Variants in SLC24A2 observed in about 807,000 individuals in gnomAD.
The protein encoded by SLC24A2 is solute carrier family 24 member 2.
SLC24A2 carries 36 observed loss-of-function variants against 62.0 expected under a neutral mutation model. The ratio of observed to expected loss-of-function variants is 0.58; its 90% CI spans 0.44 to 0.77. The LOEUF is 0.77. Among genes scored for constraint, SLC24A2 ranks in the 30% least tolerant of loss-of-function variants. The pLI, the probability that SLC24A2 is intolerant of heterozygous loss-of-function variation, is 0.00. For missense variants in SLC24A2, 846 were observed against 817.9 expected (o/e 1.03, Z -0.42); for synonymous variants, 358 against 294.0 (o/e 1.22, Z -2.23).
the SLC24A2 span, among the ~76,000 whole-genome samples, chr9:20,269,863 T>G: frequency 6.6e-6 from 1 of 152,242 alleles, no homozygotes; most frequent in Non-Finnish European, 1.5e-5. Flanking sequence ...GGTCTTAGTC[T>G]GTTTTGTGTT....
intron 9 of SLC24A2, among the ~76,000 whole-genome samples, chr9:19,525,594 G>A (rs917573626): frequency 6.6e-6 from 1 of 150,996 alleles, no homozygotes; most frequent in African/African-American, 2.4e-5. Context: ...TGTAAAGACA[G>A]GGTTTTGCCA....
At chr9:19,969,692 C>CAG in the SLC24A2 span, among the ~76,000 whole-genome samples, 1 of 151,920 alleles carries the variant, frequency 6.6e-6, no homozygotes, top group East Asian at 1.9e-4. Context: ...AGTTGGAAGA[C>CAG]AGAGAGAGAG....
chr9:19,974,250 T>C, the SLC24A2 span, among the ~76,000 whole-genome samples: 37,540 of 152,090 alleles, frequency 0.25, 5,694 homozygotes, highest in Admixed American at 0.39. Flanking sequence ...ATGAAATAAT[T>C]TCTACTTGGA....
intron 8 of SLC24A2, among the ~76,000 whole-genome samples, chr9:19,529,668 C>T (rs1258028321): frequency 2.6e-5 from 4 of 151,866 alleles, no homozygotes; most frequent in Non-Finnish European, 5.9e-5. Context: ...GACTCAGACC[C>T]CTCCTAGGGA....
At chr9:19,518,018 C>T (rs933687528) in intron 10 of SLC24A2, among the ~76,000 whole-genome samples, 8 of 151,212 alleles carry the variant, frequency 5.3e-5, no homozygotes, top group South Asian at 2.1e-4. Context: ...AAAAACCTTT[C>T]GGGGGAAAAT....
chr9:19,889,514 T>C, the SLC24A2 span, among the ~76,000 whole-genome samples: 1 of 152,130 alleles, frequency 6.6e-6, no homozygotes, highest in Non-Finnish European at 1.5e-5. Context: ...TCACCAAAAC[T>C]TCCTCCTGAG....
At chr9:20,307,364 T>C in the SLC24A2 span, among the ~76,000 whole-genome samples, 2 of 152,190 alleles carry the variant, frequency 1.3e-5, no homozygotes, top group African/African-American at 4.8e-5. Flanking sequence ...AGAGAATAAC[T>C]TCTTCACTCT....
the SLC24A2 span, among the ~76,000 whole-genome samples, chr9:19,987,591 T>C: frequency 1.3e-5 from 2 of 152,170 alleles, no homozygotes; most frequent in African/African-American, 4.8e-5. Flanking sequence ...GACGGCAGCA[T>C]TTGGCTCCTT....
chr9:19,755,071 A>T (rs540549823), intron 2 of SLC24A2, among the ~76,000 whole-genome samples: 4 of 152,194 alleles, frequency 2.6e-5, no homozygotes, highest in Non-Finnish European at 5.9e-5. Flanking sequence ...GCAAGAGAGC[A>T]CAGCAGTTAA....
At chr9:20,039,131 A>T in the SLC24A2 span, among the ~76,000 whole-genome samples, 1 of 152,222 alleles carries the variant, frequency 6.6e-6, no homozygotes, top group Non-Finnish European at 1.5e-5. Flanking sequence ...AGGAGGCGGC[A>T]TGGTGTGGTG....
intron 2 of SLC24A2, among the ~76,000 whole-genome samples, chr9:19,760,109 A>C (rs1397097433): frequency 6.6e-6 from 1 of 152,098 alleles, no homozygotes; most frequent in African/African-American, 2.4e-5. Context: ...TTATTGAGAA[A>C]ATAGAAACAA....
the SLC24A2 span, among the ~76,000 whole-genome samples, chr9:20,258,083 A>G: frequency 6.6e-6 from 1 of 152,132 alleles, no homozygotes; most frequent in Non-Finnish European, 1.5e-5. Flanking sequence ...CCCCCTACAC[A>G]CACCCCATGT....
At chr9:19,933,246 C>G in the SLC24A2 span, among the ~76,000 whole-genome samples, 1 of 152,202 alleles carries the variant, frequency 6.6e-6, no homozygotes, top group Non-Finnish European at 1.5e-5. Flanking sequence ...CCCCTCTTGC[C>G]TGATCTAAAA....
the SLC24A2 span, among the ~76,000 whole-genome samples, chr9:20,079,358 T>C: frequency 7.9e-5 from 12 of 152,250 alleles, no homozygotes; most frequent in Admixed American, 7.9e-4. Flanking sequence ...TGCAACTACC[T>C]CTCTGAATGT....
At chr9:19,851,004 C>CATATATAT in the SLC24A2 span, among the ~76,000 whole-genome samples, 1 of 29,612 alleles carries the variant, frequency 3.4e-5, no homozygotes, top group Non-Finnish European at 7.6e-5. Context: ...TATATATACA[C>CATATATAT]ATACATATAT....
At chr9:19,719,497 G>C (rs150168037) in intron 2 of SLC24A2, among the ~76,000 whole-genome samples, 2 of 152,276 alleles carry the variant, frequency 1.3e-5, no homozygotes, top group African/African-American at 4.8e-5. Flanking sequence ...AGTGAGAGCT[G>C]AGGCTGAGAA....
the SLC24A2 span, among the ~76,000 whole-genome samples, chr9:20,045,197 G>A: frequency 1.2e-4 from 18 of 152,234 alleles, no homozygotes; most frequent in Non-Finnish European, 2.1e-4. Flanking sequence ...CTGTGTATAC[G>A]ATGTAAAAAG....
intron 2 of SLC24A2, among the ~76,000 whole-genome samples, chr9:19,776,498 G>A (rs1822850526): frequency 6.6e-6 from 1 of 152,202 alleles, no homozygotes; most frequent in East Asian, 1.9e-4. Context: ...GAGACCAGCA[G>A]TCCAGGGACA....
the SLC24A2 span, among the ~76,000 whole-genome samples, chr9:20,000,012 A>C: frequency 6.6e-6 from 1 of 152,128 alleles, no homozygotes; most frequent in Non-Finnish European, 1.5e-5. Flanking sequence ...GGTTACACAG[A>C]CCTGTGCTGG....
Sources: allele counts gnomAD v4.1 joint callset (sites outside exome capture counted in the v4.1 genomes callset), GRCh38; gene constraint gnomAD v4.1.1; transcripts MANE v1.5; gene names NCBI Gene and HGNC (gene_info 2026-07-23, HGNC 2026-07-21).